ZFP36L2: variants seen among roughly 807,000 people sequenced by gnomAD.
ZFP36L2 encodes mRNA decay activator protein ZFP36L2.
ZFP36L2 carries 16 observed loss-of-function variants against 27.9 expected under a neutral mutation model. That is an observed-to-expected ratio of 0.57 (90% CI 0.39 to 0.87). ZFP36L2 has a LOEUF of 0.87. Among genes scored for constraint, ZFP36L2 ranks in the 40% least tolerant of loss-of-function variants. ZFP36L2 has a pLI of 0.00. For missense variants in ZFP36L2, 989 were observed against 726.9 expected, an observed-to-expected ratio of 1.36 and a Z score of -4.15; for synonymous variants, 600 against 363.8, an observed-to-expected ratio of 1.65 and a Z score of -7.39.
At position 43,224,004 on chromosome 2, in the gene ZFP36L2, T is replaced by G. The variant is rs532451286; in HGVS notation, c.*315A>C. On this transcript the variant is annotated 3_prime_UTR_variant, in exon 2 of 2. Coordinates refer to ENST00000282388, the MANE Select transcript of ZFP36L2 (RefSeq NM_006887.5). ...CAAAGTTTAAGTGTTTTTTTTTTTT[T>G]TTTGTTCTATTCGTATCACAACTGC... The G allele has an allele frequency of 2.0e-5, 5 of 248,566 alleles. No individual in the cohort carries two copies. Among genetic ancestry groups the G allele is most frequent in the East Asian group, 1.4e-4 (2 of 13,910 alleles). 15.4% of individuals were successfully genotyped at this position (248,566 alleles called of 1,614,324 possible).
chr2:43,223,991 G>GTTT lies in ZFP36L2; in HGVS notation c.*325_*327dup, dbSNP rs59794453. On this transcript the variant is annotated 3_prime_UTR_variant, in exon 2 of 2. Coordinates refer to ENST00000282388, the MANE Select transcript of ZFP36L2 (RefSeq NM_006887.5). ...ATCGGAGTCCTAACAAAGTTTAAGT[G>GTTT]TTTTTTTTTTTTTTTTGTTCTATTC... The GTTT allele has an allele frequency of 3.6e-4, 58 of 162,378 alleles. No individual in the cohort carries two copies. The highest frequency in any genetic ancestry group is 1.1e-3 in the African/African-American group (40 of 36,050). The allele number at this position is 162,378 out of a possible 1,614,324, so 10.1% of individuals were successfully genotyped here. A position where few individuals can be genotyped will look rare whatever the true frequency, so the allele number is the denominator to read the frequency against.
rs759969841 is a variant in ZFP36L2 at position 43,225,797 on chromosome 2, G to T, written c.52-45C>A. ...GGGGAAGGGATGAAAAACGGAAGGG[G>T]AAGACAGACTCGGGGCGAGCCGCAG... On this transcript the variant is annotated intron_variant, in intron 1 of 1. Transcript: ENST00000282388. The T allele has an allele frequency of 1.4e-5, 21 of 1,543,808 alleles. 1 individual carries two copies. The South Asian group carries it at 1.8e-4, about 14-fold the overall frequency.
chr2:43,226,148 C>T lies in ZFP36L2; in HGVS notation c.51+117G>A, dbSNP rs1388982575. On this transcript the variant is annotated intron_variant, in intron 1 of 1. Transcript: ENST00000282388. ...CGCTCGGACACTCTTTTGCAAACCC[C>T]GGGACTTTCCCGACCTGAAAGGCAG... The T allele has an allele frequency of 2.8e-6, 4 of 1,432,558 alleles. No homozygotes were observed. The Admixed American group carries it at 6.0e-5, about 21-fold the overall frequency. 88.7% of individuals were successfully genotyped at this position (1,432,558 alleles called of 1,614,324 possible).
rs1667110206 is a variant in ZFP36L2, at chr2:43,226,507, A to G, written c.-192T>C. 3.1e-6 allele frequency: 2 copies of G among 645,614 alleles called. No individual in the cohort carries two copies. The highest frequency in any genetic ancestry group is 5.2e-6 in the Non-Finnish European group (2 of 387,486). 40.0% of individuals were successfully genotyped at this position (645,614 alleles called of 1,614,324 possible). Reference sequence around the variant, plus strand: ...GCGGGAGGGTCCGGCGGAGTGCGGCAGGGGGGAAGGAGAGAAGCGAGGAGC... The same window carrying G: ...GCGGGAGGGTCCGGCGGAGTGCGGCGGGGGGGAAGGAGAGAAGCGAGGAGC... On this transcript the variant is annotated 5_prime_UTR_variant, in exon 1 of 2. Transcript: ENST00000282388.
chr2:43,224,075 C>G lies in ZFP36L2; in HGVS notation c.*244G>C. 2.8e-6 allele frequency: 1 copy of G among 356,322 alleles called. No homozygotes were observed. The highest frequency in any genetic ancestry group is 4.9e-6 in the Non-Finnish European group (1 of 203,392). 22.1% of individuals were successfully genotyped at this position (356,322 alleles called of 1,614,324 possible). On this transcript the variant is annotated 3_prime_UTR_variant, in exon 2 of 2. Transcript: ENST00000282388. The stretch of plus-strand genomic sequence containing the variant: ...CAACAGAAAAAGTTCGACTTTTTTG[C>G]TCAAAAAGAATGAAACTTCGTAATA...
In ZFP36L2 at chr2:43,225,452, TGTTC is replaced by T; in HGVS notation, c.348_351del (p.Lys118SerfsTer68). 1 of 1,611,166 alleles carries T rather than the reference TGTTC, an allele frequency of 6.2e-7. No homozygotes were observed. Among genetic ancestry groups the T allele is most frequent in the Non-Finnish European group, 8.5e-7 (1 of 1,178,940 alleles). On this transcript the variant is annotated frameshift_variant, in exon 2 of 2. Coordinates refer to ENST00000282388, the MANE Select transcript of ZFP36L2 (RefSeq NM_006887.5). LOFTEE classifies it high-confidence loss of function. ...TCGCTAAACGAGCGGTCCCGGAATT[TGTTC>T]TCCTTGTTGAGCAGGGCTGTGCCGC...
At position 43,225,461 on chromosome 2, in the gene ZFP36L2, T is replaced by C. The variant is rs749303205; in HGVS notation, c.343A>G (p.Lys115Glu). ...GAGCGGTCCCGGAATTTGTTCTCCT[T>C]GTTGAGCAGGGCTGTGCCGCCGCCC... Reference protein sequence around the residue: ...SGGGGTALLNKENKFRDRSFS... With the variant: ...SGGGGTALLNEENKFRDRSFS... Residue 115 changes from lysine to glutamate, a missense_variant, in exon 2 of 2, where the codon AAG (lysine) becomes GAG (glutamate). By Grantham distance (56) the Lys-to-Glu change is moderately conservative. Transcript: ENST00000282388. The C allele has an allele frequency of 4.3e-6, 7 of 1,610,162 alleles. No individual in the cohort carries two copies. Among genetic ancestry groups the C allele is most frequent in the South Asian group, 2.2e-5 (2 of 90,910 alleles).
chr2:43,226,563 C>A lies in ZFP36L2; in HGVS notation c.-248G>T, dbSNP rs924552639. On this transcript the variant is annotated 5_prime_UTR_variant, in exon 1 of 2. Transcript: ENST00000282388. ...TCCGCGCCCCGGGGTGCCCGGCCCG[C>A]CCCCCCCGCGGAGCCGACGGCAGCT... The A allele has an allele frequency of 4.1e-6, 2 of 486,494 alleles. No individual in the cohort carries two copies. The highest frequency in any genetic ancestry group is 3.6e-6 in the Non-Finnish European group (1 of 279,570). The allele number at this position is 486,494 out of a possible 1,614,324, so 30.1% of individuals were successfully genotyped here. A position where few individuals can be genotyped will look rare whatever the true frequency, so the allele number is the denominator to read the frequency against.
rs187128624 is a variant in ZFP36L2, at chr2:43,224,106, A to T, written c.*213T>A. 7.2e-5 allele frequency: 17 copies of T among 236,154 alleles called. No homozygotes were observed. The South Asian group carries it at 1.5e-3, about 20-fold the overall frequency. The allele number at this position is 236,154 out of a possible 1,614,324, so 14.6% of individuals were successfully genotyped here. ...AAGAATGAAACTTCGTAATAAAAAT[A>T]AAAAAAAAAAGACAAGAGGAAACCG... On this transcript the variant is annotated 3_prime_UTR_variant, in exon 2 of 2. Coordinates refer to ENST00000282388, the MANE Select transcript of ZFP36L2 (RefSeq NM_006887.5).
In ZFP36L2 at chr2:43,224,708, C is replaced by A. The variant is rs747734637; in HGVS notation, c.1096G>T (p.Gly366Cys). The A allele has an allele frequency of 6.5e-6, 10 of 1,533,282 alleles. No homozygotes were observed. In the South Asian group the frequency reaches 1.2e-4, roughly 18 times the overall value. The allele number at this position is 1,533,282 out of a possible 1,614,324, so 95.0% of individuals were successfully genotyped here. The change falls in exon 2 of 2, where the codon GGT becomes TGT. Residue 366 changes from glycine (G) to cysteine (C), a missense_variant. Transcript: ENST00000282388. ...ASCANNAFAF[G>C]PELSSLITPL... is the part of the protein sequence containing the mutation. ...GTGATGAGGCTGCTGAGCTCCGGAC[C>A]GAAGGCGAAGGCGTTGTTGGCGCAC...
chr2:43,226,251 G>C lies in ZFP36L2; in HGVS notation c.51+14C>G, dbSNP rs1433411137. On this transcript the variant is annotated intron_variant, in intron 1 of 1. Coordinates refer to ENST00000282388, the MANE Select transcript of ZFP36L2 (RefSeq NM_006887.5). ...ACAACGGCTGCTGCCGGCCGGGCCC[G>C]CTCCCTGGCCTACCTTGCACAAGAA... The C allele has an allele frequency of 4.1e-5, 64 of 1,572,458 alleles. No homozygotes were observed. The highest frequency in any genetic ancestry group is 5.4e-5 in the Non-Finnish European group (62 of 1,158,188).
At position 43,224,500 on chromosome 2, in the gene ZFP36L2, C is replaced by T. The variant is rs761696099; in HGVS notation, c.1304G>A (p.Arg435His). The T allele has an allele frequency of 4.7e-6, 7 of 1,492,758 alleles. No individual in the cohort carries two copies. Among genetic ancestry groups the T allele is most frequent in the Middle Eastern group, 2.3e-4 (1 of 4,346 alleles). The allele number at this position is 1,492,758 out of a possible 1,614,324, so 92.5% of individuals were successfully genotyped here. A position where few individuals can be genotyped will look rare whatever the true frequency, so the allele number is the denominator to read the frequency against. The change falls in exon 2 of 2, where the codon CGC becomes CAC. Residue 435 changes from arginine to histidine, a missense_variant. By Grantham distance (29) the Arg-to-His change is conservative (BLOSUM62 0). Coordinates refer to ENST00000282388, the MANE Select transcript of ZFP36L2 (RefSeq NM_006887.5). ...PSPPFSFQLP[R>H]RLSDSPVFDA... is the part of the protein sequence containing the mutation. Reference sequence around the variant, plus strand: ...GAACACGGGCGAGTCGGACAGGCGGCGCGGCAGCTGGAAGCTGAAGGGCGG... The same window carrying T: ...GAACACGGGCGAGTCGGACAGGCGGTGCGGCAGCTGGAAGCTGAAGGGCGG...
Position 43,226,544 on chromosome 2 carries a change from C to T in ZFP36L2, c.-229G>A, listed in dbSNP as rs1204731968. 1 of 524,334 alleles carries T rather than the reference C, an allele frequency of 1.9e-6. No individual in the cohort carries two copies. The highest frequency in any genetic ancestry group is 3.3e-6 in the Non-Finnish European group (1 of 303,792). The allele number at this position is 524,334 out of a possible 1,614,324, so 32.5% of individuals were successfully genotyped here. ...GAGAAGCGAGGAGCGCTCCTCCGCG[C>T]CCCGGGGTGCCCGGCCCGCCCCCCC... On this transcript the variant is annotated 5_prime_UTR_variant, in exon 1 of 2. Transcript: ENST00000282388.
Position 43,225,420 on chromosome 2 carries a change from G to T in ZFP36L2, c.384C>A (p.Gly128=). Residue 128 remains glycine, a synonymous_variant, in exon 2 of 2, where the codon GGC becomes GGA. Coordinates refer to ENST00000282388, the MANE Select transcript of ZFP36L2 (RefSeq NM_006887.5). ...GGTGCAGGAGGTGCTGGCTGCGATC[G>T]CCGTTCTCGCTAAACGAGCGGTCCC... is the stretch of plus-strand genomic sequence containing the variant. The part of the protein sequence containing the change: ...KFRDRSFSEN[G]DRSQHLLHLQ... The T allele has an allele frequency of 1.2e-6, 2 of 1,613,084 alleles. No homozygotes were observed. The highest frequency in any genetic ancestry group is 2.2e-5 in the East Asian group (1 of 44,828).
In ZFP36L2 at chr2:43,226,439, G is replaced by T; in HGVS notation, c.-124C>A. ...AGGGGCGGGGAGGGGCCGAAAGTTT[G>T]CCGGGGGGCGAGAGGAGAGGGCGAG... On this transcript the variant is annotated 5_prime_UTR_variant, in exon 1 of 2. Coordinates refer to ENST00000282388, the MANE Select transcript of ZFP36L2 (RefSeq NM_006887.5). 1 of 1,299,348 alleles carries T rather than the reference G, an allele frequency of 7.7e-7. No homozygotes were observed. The highest frequency in any genetic ancestry group is 1.1e-6 in the Non-Finnish European group (1 of 927,060). 80.5% of individuals were successfully genotyped at this position (1,299,348 alleles called of 1,614,324 possible). A position where few individuals can be genotyped will look rare whatever the true frequency, so the allele number is the denominator to read the frequency against.
Position 43,226,269 on chromosome 2 carries a change from C to G in ZFP36L2, c.47G>C (p.Cys16Ser). Residue 16 changes from cysteine (C) to serine (S), a missense_variant, in exon 1 of 2, where the codon TGC becomes TCC. Cys to Ser is a moderately radical substitution (Grantham distance 112). Coordinates refer to ENST00000282388, the MANE Select transcript of ZFP36L2 (RefSeq NM_006887.5). Reference sequence around the variant, plus strand: ...CGGGCCCGCTCCCTGGCCTACCTTGCACAAGAAGTCGACATCGTAGAAGGC... The same window carrying G: ...CGGGCCCGCTCCCTGGCCTACCTTGGACAAGAAGTCGACATCGTAGAAGGC... Reference protein sequence around the residue: ...LSAFYDVDFLCKTEKSLANLN... With the variant: ...LSAFYDVDFLSKTEKSLANLN... 1 of 1,583,756 alleles carries G rather than the reference C, an allele frequency of 6.3e-7. No homozygotes were observed.
At position 43,225,399 on chromosome 2, in the gene ZFP36L2, C is replaced by G; in HGVS notation, c.405G>C (p.Leu135=). 2 of 1,613,380 alleles carry G rather than the reference C, an allele frequency of 1.2e-6. No individual in the cohort carries two copies. The highest frequency in any genetic ancestry group is 2.7e-5 in the African/African-American group (2 of 74,888). Residue 135 remains leucine (L), a synonymous_variant, in exon 2 of 2, where the codon CTG becomes CTC. Coordinates refer to ENST00000282388, the MANE Select transcript of ZFP36L2 (RefSeq NM_006887.5). ...CCCCCTTCTGCTGCTGCTGCAGGTG[C>G]AGGAGGTGCTGGCTGCGATCGCCGT... is the stretch of plus-strand genomic sequence containing the variant. ...SENGDRSQHL[L]HLQQQQKGGG...
Position 43,225,694 on chromosome 2 carries a change from C to T in ZFP36L2, c.110G>A (p.Gly37Glu). ...GCTGGGGGCGGCGGCCACAGGCGTC[C>T]CCACCGCCTTCTTGTCCAGCATGTT... is the stretch of plus-strand genomic sequence containing the variant. ...LNNMLDKKAV[G>E]TPVAAAPSSG... is the part of the protein sequence containing the mutation. The change falls in exon 2 of 2, where the codon GGG becomes GAG. Residue 37 changes from glycine (G) to glutamate (E), a missense_variant. By Grantham distance (98) the Gly-to-Glu change is moderately conservative. Transcript: ENST00000282388. 2 of 1,594,770 alleles carry T rather than the reference C, an allele frequency of 1.3e-6. No homozygotes were observed. The highest frequency in any genetic ancestry group is 8.5e-7 in the Non-Finnish European group (1 of 1,178,408).
At position 43,224,551 on chromosome 2, in the gene ZFP36L2, G is replaced by A. The variant is rs1667039221; in HGVS notation, c.1253C>T (p.Pro418Leu). Residue 418 changes from proline to leucine, a missense_variant, in exon 2 of 2, where the codon CCC becomes CTC. Transcript: ENST00000282388. ...CGAGGGAGGTGCGGCGGCCCCGGCG[G>A]GGAGGGTCGCGCTGGGCGGCGCCGG... ...QPPAPPSATL[P>L]AGAAAPPSPP... 6 of 1,416,042 alleles carry A rather than the reference G, an allele frequency of 4.2e-6. No homozygotes were observed. The highest frequency in any genetic ancestry group is 1.5e-5 in the African/African-American group (1 of 66,996). 87.7% of individuals were successfully genotyped at this position (1,416,042 alleles called of 1,614,324 possible). A position where few individuals can be genotyped will look rare whatever the true frequency, so the allele number is the denominator to read the frequency against.
Sources: allele counts gnomAD v4.1 joint callset, GRCh38; gene constraint gnomAD v4.1.1; transcripts MANE v1.5; gene names NCBI Gene and HGNC (gene_info 2026-07-23, HGNC 2026-07-21).